RARS2: variants seen among roughly 807,000 people sequenced by gnomAD.
RARS2 encodes arginyl-tRNA synthetase 2, mitochondrial.
A neutral mutation model predicts 88.5 loss-of-function variants in RARS2; 67 were observed. The ratio of observed to expected loss-of-function variants is 0.76; its 90% CI spans 0.62 to 0.93. The LOEUF (loss-of-function observed/expected upper bound fraction) is 0.93, where lower values mean the gene tolerates loss of function less well. RARS2 is among the 40% of genes least tolerant of loss of function. The probability of loss-of-function intolerance (pLI) is 0.00; values close to 1 mark genes in which losing one functional copy is unlikely to be tolerated. For synonymous variants in RARS2, 239 were observed against 230.3 expected (o/e 1.04, Z -0.34); for missense variants, 664 against 684.2 (o/e 0.97, Z 0.33).
chr6:87,519,572 A>C lies in RARS2; in HGVS notation c.1237+11T>G. ...TAAGTTATGACTTTAATAAGAAAAA[A>C]CTGAATTCACTCTTAATTGAAGCCA... On this transcript the variant is annotated intron_variant, in intron 14 of 19. Coordinates refer to ENST00000369536, the MANE Select transcript of RARS2 (RefSeq NM_020320.5). 10 of 1,609,708 alleles carry C rather than the reference A, an allele frequency of 6.2e-6. No individual in the cohort carries two copies. The highest frequency in any genetic ancestry group is 8.5e-6 in the Non-Finnish European group (10 of 1,176,100).
intron 5 of RARS2, among the ~76,000 whole-genome samples, chr6:87,554,944 T>C (rs1042689227): frequency 1.7e-4 from 25 of 151,360 alleles, no homozygotes; most frequent in African/African-American, 6.1e-4. Flanking sequence ...CTACTAAAAA[T>C]CCAAAAAAAA....
intron 8 of RARS2, among the ~76,000 whole-genome samples, chr6:87,539,325 G>A (rs546206389): frequency 6.6e-6 from 1 of 152,304 alleles, no homozygotes; most frequent in South Asian, 2.1e-4. Flanking sequence ...AGGACAAATA[G>A]TGACTTCTCT....
Position 87,519,726 on chromosome 6 carries a change from A to G in RARS2, c.1113-19T>C, listed in dbSNP as rs1773227394. The G allele has an allele frequency of 4.3e-6, 7 of 1,613,780 alleles. No individual in the cohort carries two copies. The highest frequency in any genetic ancestry group is 1.3e-5 in the African/African-American group (1 of 74,922). On this transcript the variant is annotated intron_variant, in intron 13 of 19. Transcript: ENST00000369536. ...CTGGCACCTAAAAGAGTGGGCATCT[A>G]GTTAACTGAAAGCTAAACAAGAGCT...
rs757299923 is a variant in RARS2 at position 87,514,486 on chromosome 6, A to G, written c.1664T>C (p.Leu555Pro). ...PPEVAGARLH[L>P]FKAVRSVLAN... ...TAGGACAGAACGGACAGCTTTGAAAAGATGAAGTCTGGCCTACAAAATAAA... is the reference window on the plus strand; with the variant it reads ...TAGGACAGAACGGACAGCTTTGAAAGGATGAAGTCTGGCCTACAAAATAAA... Residue 555 changes from leucine to proline, a missense_variant, in exon 20 of 20, where the codon CTT becomes CCT. Leu to Pro is a moderately conservative substitution (Grantham distance 98, BLOSUM62 -3). Coordinates refer to ENST00000369536, the MANE Select transcript of RARS2 (RefSeq NM_020320.5). 2 of 1,611,762 alleles carry G rather than the reference A, an allele frequency of 1.2e-6. No individual in the cohort carries two copies.
intron 10 of RARS2, among the ~76,000 whole-genome samples, chr6:87,526,709 T>C (rs1460237541): frequency 6.6e-6 from 1 of 151,490 alleles, no homozygotes; most frequent in Non-Finnish European, 1.5e-5. Context: ...TCACTCTTAT[T>C]GCCCAGGTTG....
At chr6:87,541,341 TA>T (rs1780884956) in intron 8 of RARS2, among the ~76,000 whole-genome samples, 1 of 152,070 alleles carries the variant, frequency 6.6e-6, no homozygotes, top group African/African-American at 2.4e-5. Context: ...TGTGCCTGGC[TA>T]ATATTTTATT....
Position 87,520,159 on chromosome 6 carries a change from TAAG to T in RARS2, c.1112+18_1112+20del. The stretch of plus-strand genomic sequence containing the variant: ...GCTCAGCTGACCCTGCACAGACAAT[TAAG>T]AACCATGCAGACATTACCTTTCTGC... On this transcript the variant is annotated intron_variant, in intron 13 of 19. Transcript: ENST00000369536. The T allele has an allele frequency of 6.3e-7, 1 of 1,599,320 alleles. No homozygotes were observed. The highest frequency in any genetic ancestry group is 8.6e-7 in the Non-Finnish European group (1 of 1,166,792).
chr6:87,585,723 C>T (rs866296191), intron 1 of RARS2, among the ~76,000 whole-genome samples: 18 of 150,712 alleles, frequency 1.2e-4, no homozygotes, highest in Admixed American at 4.0e-4. Flanking sequence ...CTGAGCAAGA[C>T]TCCATCTCAA....
At chr6:87,569,705 T>A in intron 1 of RARS2, 115 bp from the exon 2 acceptor site, 1 of 825,540 alleles carries the variant, frequency 1.2e-6, no homozygotes. Context: ...GAGCTCCAAA[T>A]GCATTCCAAG....
chr6:87,539,046 AAATAAATAAATG>A (rs1780087039), intron 8 of RARS2, among the ~76,000 whole-genome samples: 1 of 138,896 alleles, frequency 7.2e-6, no homozygotes, highest in Admixed American at 7.1e-5. Context: ...ATAAATAAAT[AAATAAATAAATG>A]AATAAATAAA....
intron 5 of RARS2, among the ~76,000 whole-genome samples, chr6:87,551,366 C>CTT (rs1784274189): frequency 6.6e-6 from 1 of 152,014 alleles, no homozygotes; most frequent in African/African-American, 2.4e-5. Context: ...TCGCTCACGT[C>CTT]TATAATACCA....
At chr6:87,548,857 A>G (rs992820526) in intron 5 of RARS2, among the ~76,000 whole-genome samples, 1 of 152,194 alleles carries the variant, frequency 6.6e-6, no homozygotes, top group Non-Finnish European at 1.5e-5. Context: ...TGACTCCTGA[A>G]GTAATAGCAT....
At position 87,555,398 on chromosome 6, in the gene RARS2, GCACCCTCAC is replaced by G. The variant is rs751270981; in HGVS notation, c.395+1_395+9del. On this transcript the variant is annotated splice_donor_variant and splice_donor_5th_base_variant and intron_variant, in intron 5 of 19. Transcript: ENST00000369536. LOFTEE classifies it high-confidence loss of function. ...TGATTAAGCAACACATAAAAGGGGT[GCACCCTCAC>G]CTGAATTCAACCACAATCTTCTTCT... is the stretch of plus-strand genomic sequence containing the variant. 1 of 1,604,904 alleles carries G rather than the reference GCACCCTCAC, an allele frequency of 6.2e-7. No individual in the cohort carries two copies. The highest frequency in any genetic ancestry group is 8.5e-7 in the Non-Finnish European group (1 of 1,171,760).
intron 1 of RARS2, among the ~76,000 whole-genome samples, chr6:87,585,659 G>C (rs1774923237): frequency 1.3e-5 from 2 of 152,146 alleles, no homozygotes; most frequent in Admixed American, 1.3e-4. Context: ...GTGAACCCAG[G>C]AGGCGGAGCT....
chr6:87,542,267 A>G (rs1781235852), intron 7 of RARS2, among the ~76,000 whole-genome samples: 1 of 152,206 alleles, frequency 6.6e-6, no homozygotes, highest in African/African-American at 2.4e-5. Context: ...AAAGTCTAGG[A>G]CTAATTTATC....
At chr6:87,575,253 A>G (rs1436870867) in intron 1 of RARS2, among the ~76,000 whole-genome samples, 1 of 150,334 alleles carries the variant, frequency 6.7e-6, no homozygotes, top group African/African-American at 2.5e-5. Context: ...ACACACACAC[A>G]CACACACACA....
intron 8 of RARS2, among the ~76,000 whole-genome samples, chr6:87,541,566 G>A (rs969049976): frequency 5.3e-5 from 8 of 151,832 alleles, no homozygotes; most frequent in African/African-American, 1.5e-4. Context: ...ACTCACGCCT[G>A]TAATCCCAGC....
At position 87,589,921 on chromosome 6, in the gene RARS2, C is replaced by T. The variant is rs201200968; in HGVS notation, c.36+1G>A. On this transcript the variant is annotated splice_donor_variant, in intron 1 of 19. Transcript: ENST00000369536. LOFTEE classifies it high-confidence loss of function. ...TCCTCTGCGCGCTCCGGGATCCATA[C>T]CTGGCAAGCAATAGCGCGGCGAAAG... The T allele has an allele frequency of 3.1e-6, 5 of 1,614,240 alleles. No individual in the cohort carries two copies. The highest frequency in any genetic ancestry group is 4.2e-6 in the Non-Finnish European group (5 of 1,180,048).
intron 18 of RARS2, among the ~76,000 whole-genome samples, chr6:87,516,548 C>G (rs963990108): frequency 6.6e-6 from 1 of 152,192 alleles, no homozygotes; most frequent in Non-Finnish European, 1.5e-5. Flanking sequence ...CCATCTCTTA[C>G]GTTCACTCTA....
Sources: allele counts gnomAD v4.1 joint callset (sites outside exome capture counted in the v4.1 genomes callset), GRCh38; gene constraint gnomAD v4.1.1; transcripts MANE v1.5; gene names NCBI Gene and HGNC (gene_info 2026-07-23, HGNC 2026-07-21).